SYNE2: variants seen among roughly 807,000 people sequenced by gnomAD.
The protein encoded by SYNE2 is spectrin repeat containing nuclear envelope protein 2.
A neutral mutation model predicts 856.3 loss-of-function variants in SYNE2; 431 were observed. The ratio of observed to expected loss-of-function variants is 0.50; its 90% CI spans 0.47 to 0.55. SYNE2 has a LOEUF of 0.55. SYNE2 is among the 20% of genes least tolerant of loss of function. The probability of loss-of-function intolerance (pLI) is 0.00; values close to 1 mark genes in which losing one functional copy is unlikely to be tolerated. For synonymous variants in SYNE2, 2,923 were observed against 2,872.3 expected (o/e 1.02, Z -0.56); for missense variants, 8,129 against 8,023.2 (o/e 1.01, Z -0.50).
chr14:64,226,332 G>A lies in SYNE2; in HGVS notation c.*806G>A, dbSNP rs2098718130. On this transcript the variant is annotated 3_prime_UTR_variant, in exon 116 of 116. Transcript: ENST00000555002. ...GCTTTGCTTTGGGTTTTAACTGTTT[G>A]GCCACGGCGGGGGTGGGGGCGGGGG... The A allele has an allele frequency of 6.7e-6, 1 of 149,492 alleles. No individual in the cohort carries two copies. The allele number at this position is 149,492 out of a possible 1,614,324, so 9.3% of individuals were successfully genotyped here. A position where few individuals can be genotyped will look rare whatever the true frequency, so the allele number is the denominator to read the frequency against.
intron 1 of SYNE2, among the ~76,000 whole-genome samples, chr14:63,893,094 G>A (rs200765201): frequency 6.6e-6 from 1 of 151,856 alleles, no homozygotes; most frequent in East Asian, 1.9e-4. Context: ...AGTGAAAAAG[G>A]AACATTAATT....
Position 64,126,671 on chromosome 14 carries a change from C to A in SYNE2, c.13781C>A (p.Thr4594Asn). 1 of 1,614,208 alleles carries A rather than the reference C, an allele frequency of 6.2e-7. No homozygotes were observed. The highest frequency in any genetic ancestry group is 8.5e-7 in the Non-Finnish European group (1 of 1,180,038). Residue 4594 changes from threonine to asparagine, a missense_variant, in exon 73 of 116, where the codon ACT (threonine) becomes AAT (asparagine). This residue lies in a region of SYNE2 where 5,410 missense variants were observed against 5,284.8 expected (regional missense o/e 1.02). Transcript: ENST00000555002. Reference protein sequence around the residue: ...DKKGDLLKAMTWPGENTNLLL... With the variant: ...DKKGDLLKAMNWPGENTNLLL... The stretch of plus-strand genomic sequence containing the variant: ...AAGGGTGATCTTTTGAAAGCCATGA[C>A]TTGGCCTGGCGAGAACACCAACTTG...
At chr14:63,959,539 T>A (rs2096283418) in intron 8 of SYNE2, among the ~76,000 whole-genome samples, 1 of 151,866 alleles carries the variant, frequency 6.6e-6, no homozygotes, top group Non-Finnish European at 1.5e-5. Context: ...CTCAGGTGAT[T>A]CGCCGCCTTG....
intron 66 of SYNE2, among the ~76,000 whole-genome samples, chr14:64,117,897 T>C (rs2097863946): frequency 6.6e-6 from 1 of 152,180 alleles, no homozygotes; most frequent in African/African-American, 2.4e-5. Flanking sequence ...AGCAGGATGG[T>C]GTGCAATTTT....
chr14:64,084,646 T>C (rs1340546237), intron 57 of SYNE2: 6 of 280,620 alleles, frequency 2.1e-5, no homozygotes, highest in Admixed American at 1.4e-4. Flanking sequence ...AGTAGTTTGT[T>C]TATCTACCAG....
intron 108 of SYNE2, among the ~76,000 whole-genome samples, chr14:64,216,906 G>C (rs1596290197): frequency 1.3e-5 from 2 of 152,170 alleles, no homozygotes; most frequent in Admixed American, 6.5e-5. Flanking sequence ...TGTATTTTTA[G>C]TAGAGATGGG....
intron 1 of SYNE2, among the ~76,000 whole-genome samples, chr14:63,846,240 G>T (rs1449647674): frequency 6.6e-6 from 1 of 151,702 alleles, no homozygotes; most frequent in South Asian, 2.1e-4. Flanking sequence ...GAGAGACAGG[G>T]GCTCACCATG....
chr14:63,763,630 G>A (rs1309077848), intron 1 of SYNE2, among the ~76,000 whole-genome samples: 2 of 152,046 alleles, frequency 1.3e-5, no homozygotes, highest in African/African-American at 4.8e-5. Flanking sequence ...CGGGAGGATT[G>A]CTTGATACCA....
At chr14:64,151,315 C>T (rs1331265666) in intron 84 of SYNE2, among the ~76,000 whole-genome samples, 2 of 151,304 alleles carry the variant, frequency 1.3e-5, no homozygotes, top group Non-Finnish European at 2.9e-5. Flanking sequence ...CACAAGGGAG[C>T]TTGTCCCTCC....
intron 28 of SYNE2, among the ~76,000 whole-genome samples, chr14:64,001,121 A>G (rs1196639202): frequency 6.6e-6 from 1 of 152,174 alleles, no homozygotes; most frequent in Non-Finnish European, 1.5e-5. Flanking sequence ...ATATATTCCT[A>G]TATTGATAGG....
chr14:63,767,168 G>A (rs1051857648), intron 1 of SYNE2, among the ~76,000 whole-genome samples: 129 of 150,260 alleles, frequency 8.6e-4, no homozygotes, highest in Non-Finnish European at 8.1e-4. Flanking sequence ...GTGCAGTGGC[G>A]CAATCTCGGC....
chr14:64,091,721 T>A (rs182442845), intron 60 of SYNE2, among the ~76,000 whole-genome samples: 6 of 152,322 alleles, frequency 3.9e-5, no homozygotes, highest in African/African-American at 1.4e-4. Context: ...TTAGGAATAA[T>A]CTTTAGTTTG....
intron 36 of SYNE2, 134 bp downstream of exon 36, chr14:64,021,649 A>G: frequency 8.2e-7 from 1 of 1,216,544 alleles, no homozygotes; most frequent in East Asian, 2.5e-5. Flanking sequence ...GCTTTTGTAT[A>G]TTTAGCATTT....
At chr14:64,159,903 T>C (rs920905758) in intron 87 of SYNE2, among the ~76,000 whole-genome samples, 5 of 152,212 alleles carry the variant, frequency 3.3e-5, no homozygotes, top group Admixed American at 6.5e-5. Flanking sequence ...GAACTACTTA[T>C]GGTGGGATAT....
intron 1 of SYNE2, among the ~76,000 whole-genome samples, chr14:63,869,559 G>A (rs1896313385): frequency 6.8e-6 from 1 of 147,378 alleles, no homozygotes; most frequent in South Asian, 2.2e-4. Context: ...GGTGGTGGGG[G>A]AAGGGGGCAG....
chr14:63,867,348 C>G (rs1391632381), intron 1 of SYNE2, among the ~76,000 whole-genome samples: 1 of 144,910 alleles, frequency 6.9e-6, no homozygotes, highest in African/African-American at 2.5e-5. Context: ...ATGTTAATTT[C>G]TATTCTCAGT....
At chr14:64,004,138 C>T (rs908964145) in intron 30 of SYNE2, among the ~76,000 whole-genome samples, 9 of 152,130 alleles carry the variant, frequency 5.9e-5, no homozygotes, top group African/African-American at 1.9e-4. Context: ...GATTCCCCTG[C>T]CTCAGCTTCC....
chr14:64,159,044 A>G (rs1359741980), intron 86 of SYNE2, among the ~76,000 whole-genome samples: 8 of 151,924 alleles, frequency 5.3e-5, no homozygotes, highest in Non-Finnish European at 8.8e-5. Context: ...TGTCCATATT[A>G]TTTCACAATT....
At chr14:63,763,602 C>T (rs978579574) in intron 1 of SYNE2, among the ~76,000 whole-genome samples, 6 of 152,056 alleles carry the variant, frequency 3.9e-5, no homozygotes, top group Non-Finnish European at 5.9e-5. Flanking sequence ...GTAATCTCAG[C>T]ACTTTGGGAG....
Sources: gnomAD v4.1 joint callset for allele counts (sites outside exome capture counted in the v4.1 genomes callset) on GRCh38, gnomAD v4.1.1 for gene constraint, gnomAD v4.1.1 regional missense constraint, MANE v1.5 for transcripts, NCBI Gene and HGNC (gene_info 2026-07-23, HGNC 2026-07-21) for gene names.